UGT1A6: variants seen among roughly 807,000 people sequenced by gnomAD.
The protein encoded by UGT1A6 is UDP glucuronosyltransferase family 1 member A6.
A neutral mutation model predicts 44.4 loss-of-function variants in UGT1A6; 32 were observed. The ratio of observed to expected loss-of-function variants is 0.72; its 90% CI spans 0.54 to 0.97. The LOEUF (loss-of-function observed/expected upper bound fraction) is 0.97. UGT1A6 is among the 50% of genes least tolerant of loss of function. The pLI, the probability that UGT1A6 is intolerant of heterozygous loss-of-function variation, is 0.00. For missense variants in UGT1A6, 685 were observed against 661.9 expected (o/e 1.03, Z -0.38); for synonymous variants, 238 against 248.5 (o/e 0.96, Z 0.40).
At chr2:233,742,415 C>A (rs1691970237) in intron 1 of UGT1A6, among the ~76,000 whole-genome samples, 1 of 151,952 alleles carries the variant, frequency 6.6e-6, no homozygotes, top group Non-Finnish European at 1.5e-5. Context: ...TTAGGAACAC[C>A]TTAAGCGGTT....
intron 1 of UGT1A6, among the ~76,000 whole-genome samples, chr2:233,727,747 T>C (rs1157113585): frequency 2.0e-5 from 3 of 152,214 alleles, no homozygotes; most frequent in African/African-American, 7.2e-5. Flanking sequence ...ATCCTGCGTG[T>C]GCTGCCCTTG....
chr2:233,692,798 G>A (rs951842538), upstream of UGT1A6: 26 of 1,382,070 alleles, frequency 1.9e-5, no homozygotes, highest in African/African-American at 5.9e-5. Context: ...AAGCTGACAC[G>A]GCCATAGTTG....
chr2:233,768,549 A>C, intron 4 of UGT1A6, 110 bp downstream of exon 4: 1 of 1,483,956 alleles, frequency 6.7e-7, no homozygotes, highest in Non-Finnish European at 8.9e-7. Flanking sequence ...AAATATAAAA[A>C]CAAATACATA....
intron 1 of UGT1A6, chr2:233,729,232 A>G: frequency 6.2e-7 from 1 of 1,614,202 alleles, no homozygotes. Flanking sequence ...GGTGGTGCCC[A>G]TTGATGGCAG....
chr2:233,703,901 T>A (rs1235763751), intron 1 of UGT1A6, among the ~76,000 whole-genome samples: 1 of 152,040 alleles, frequency 6.6e-6, no homozygotes, highest in Non-Finnish European at 1.5e-5. Flanking sequence ...TTCTTTTCTT[T>A]TTTTTTTGAG....
At chr2:233,758,786 G>A (rs1696976610) in intron 1 of UGT1A6, among the ~76,000 whole-genome samples, 1 of 152,212 alleles carries the variant, frequency 6.6e-6, no homozygotes, top group African/African-American at 2.4e-5. Flanking sequence ...GATCTGTGCA[G>A]TTATCTTGGA....
chr2:233,697,239 A>G (rs2075381553), intron 1 of UGT1A6, among the ~76,000 whole-genome samples: 1 of 152,000 alleles, frequency 6.6e-6, no homozygotes, highest in Non-Finnish European at 1.5e-5. Context: ...ACTTTTTATT[A>G]CTGCTTCAAT....
intron 1 of UGT1A6, among the ~76,000 whole-genome samples, chr2:233,720,204 G>A (rs1434202090): frequency 6.6e-6 from 1 of 152,176 alleles, no homozygotes; most frequent in Non-Finnish European, 1.5e-5. Context: ...GGCTGTGAAG[G>A]TGGGATGGAT....
upstream of UGT1A6, chr2:233,691,761 TC>T (rs752208388): frequency 5.9e-5 from 26 of 440,350 alleles, no homozygotes; most frequent in Non-Finnish European, 7.8e-5. Flanking sequence ...TGACTCCTGC[TC>T]TAGGATTCTC....
In UGT1A6 at chr2:233,693,777, A is replaced by G. The variant is rs112793692; in HGVS notation, c.773A>G (p.Asp258Gly). 1.7e-5 allele frequency: 27 copies of G among 1,614,218 alleles called. No homozygotes were observed. In the African/African-American group the frequency reaches 1.7e-4, roughly 10 times the overall value. Residue 258 changes from aspartate to glycine, a missense_variant, in exon 1 of 5, where the codon GAC becomes GGC. By Grantham distance (94) the Asp-to-Gly change is moderately conservative. Coordinates refer to ENST00000305139, the MANE Select transcript of UGT1A6 (RefSeq NM_001072.4). Reference protein sequence around the residue: ...QKVSVWLLRYDFVLEYPRPVM... With the variant: ...QKVSVWLLRYGFVLEYPRPVM... ...GTCTCTGTTTGGCTGTTAAGATATG[A>G]CTTTGTGCTTGAATATCCTAGGCCG...
intron 1 of UGT1A6, among the ~76,000 whole-genome samples, chr2:233,715,728 C>T (rs17862871): frequency 0.1 from 15,454 of 152,176 alleles, 903 homozygotes; most frequent in East Asian, 0.2. Flanking sequence ...GCCATGTTCA[C>T]GCCACCTCAC....
At chr2:233,692,722 A>G (rs78082792), upstream of UGT1A6, 158 of 845,282 alleles carry the variant, frequency 1.9e-4, no homozygotes, top group East Asian at 6.8e-3. Flanking sequence ...AAGTGTTGCT[A>G]TAACTTTTCA....
chr2:233,699,711 C>A (rs375933145), intron 1 of UGT1A6, among the ~76,000 whole-genome samples: 2 of 152,204 alleles, frequency 1.3e-5, no homozygotes, highest in South Asian at 4.1e-4. Flanking sequence ...GGTTTTCTTG[C>A]AGCATTTTTT....
intron 1 of UGT1A6, among the ~76,000 whole-genome samples, chr2:233,739,652 T>C: frequency 6.6e-6 from 1 of 152,236 alleles, no homozygotes; most frequent in African/African-American, 2.4e-5. Context: ...CCAATTTCTG[T>C]ACCCCCATTG....
chr2:233,755,126 C>T, intron 1 of UGT1A6: 1 of 1,323,304 alleles, frequency 7.6e-7, no homozygotes, highest in Non-Finnish European at 1.0e-6. Flanking sequence ...CCTCAGCCAC[C>T]TGCTTGAATC....
chr2:233,757,111 A>C (rs13404099), intron 1 of UGT1A6, among the ~76,000 whole-genome samples: 1 of 151,320 alleles, frequency 6.6e-6, no homozygotes, highest in East Asian at 2.0e-4. Context: ...GGCAAGCAGA[A>C]GGGCTAGAGA....
At chr2:233,755,240 T>C (rs995550231) in intron 1 of UGT1A6, 23 of 876,322 alleles carry the variant, frequency 2.6e-5, no homozygotes, top group Admixed American at 5.9e-5. Context: ...CCTACCGGGG[T>C]ACTCCCAGCA....
At chr2:233,727,744 G>A (rs1233532072) in intron 1 of UGT1A6, among the ~76,000 whole-genome samples, 5 of 152,112 alleles carry the variant, frequency 3.3e-5, no homozygotes, top group Admixed American at 6.5e-5. Flanking sequence ...GCCATCCTGC[G>A]TGTGCTGCCC....
chr2:233,693,738 C>T lies in UGT1A6; in HGVS notation c.734C>T (p.Thr245Ile), dbSNP rs781371157. 3.1e-6 allele frequency: 5 copies of T among 1,614,170 alleles called. No homozygotes were observed. Among genetic ancestry groups the T allele is most frequent in the Non-Finnish European group, 3.4e-6 (4 of 1,180,038 alleles). ...AVLKRDVDII[T>I]LYQKVSVWLL... ...CTCAAGAGAGATGTGGATATAATCA[C>T]CTTATATCAGAAGGTCTCTGTTTGG... The change falls in exon 1 of 5, where the codon ACC becomes ATC. Residue 245 changes from threonine to isoleucine, a missense_variant. Physicochemically the swap from Thr to Ile is moderately conservative, Grantham distance 89. Coordinates refer to ENST00000305139, the MANE Select transcript of UGT1A6 (RefSeq NM_001072.4).
Sources: allele counts gnomAD v4.1 joint callset (sites outside exome capture counted in the v4.1 genomes callset), GRCh38; gene constraint gnomAD v4.1.1; transcripts MANE v1.5; gene names NCBI Gene and HGNC (gene_info 2026-07-23, HGNC 2026-07-21).